DLC1: variants seen among roughly 807,000 people sequenced by gnomAD.
DLC1 encodes the protein DLC1 Rho GTPase activating protein.
DLC1 carries 54 observed loss-of-function variants against 140.3 expected under a neutral mutation model. That is an observed-to-expected ratio of 0.38 (90% CI 0.31 to 0.48). The LOEUF (loss-of-function observed/expected upper bound fraction) is 0.48, where lower values mean the gene tolerates loss of function less well. Among genes scored for constraint, DLC1 ranks in the 20% least tolerant of loss-of-function variants. DLC1 has a pLI of 0.96. For missense variants in DLC1, 2,536 were observed against 1,907.0 expected (o/e 1.33, Z -6.14); for synonymous variants, 986 against 728.1 (o/e 1.35, Z -5.70).
At chr8:13,444,584 A>T (rs1798693601) in intron 2 of DLC1, among the ~76,000 whole-genome samples, 1 of 152,202 alleles carries the variant, frequency 6.6e-6, no homozygotes, top group Admixed American at 6.5e-5. Context: ...ATAATTTTAA[A>T]AAATCTTTAA....
At chr8:13,268,923 A>G (rs201631413) in intron 5 of DLC1, among the ~76,000 whole-genome samples, 15 of 129,328 alleles carry the variant, frequency 1.2e-4, no homozygotes, top group Admixed American at 2.7e-4. Flanking sequence ...GGCCCAGGCT[A>G]GAGTGCAGTG....
chr8:13,556,005 A>G (rs1419995282), intron 1 of DLC1, among the ~76,000 whole-genome samples: 1 of 152,166 alleles, frequency 6.6e-6, no homozygotes, highest in African/African-American at 2.4e-5. Context: ...TGGCTGGTAT[A>G]TAGAGTGAAG....
chr8:13,505,021 G>A (rs1801991641), intron 1 of DLC1, among the ~76,000 whole-genome samples: 1 of 152,072 alleles, frequency 6.6e-6, no homozygotes, highest in Admixed American at 6.6e-5. Context: ...GACATATTGA[G>A]AGGAATTTTA....
intron 5 of DLC1, among the ~76,000 whole-genome samples, chr8:13,176,999 G>T (rs1825792978): frequency 6.6e-6 from 1 of 152,104 alleles, no homozygotes; most frequent in Non-Finnish European, 1.5e-5. Context: ...TCCAGGAAGG[G>T]ATACAGCCCT....
chr8:13,280,612 T>C (rs767474278), intron 5 of DLC1, among the ~76,000 whole-genome samples: 1 of 152,224 alleles, frequency 6.6e-6, no homozygotes, highest in Non-Finnish European at 1.5e-5. Context: ...TTTAATTTTA[T>C]AGTGTTTCTA....
chr8:13,333,332 C>A (rs1167882459), intron 4 of DLC1, among the ~76,000 whole-genome samples: 1 of 152,162 alleles, frequency 6.6e-6, no homozygotes, highest in Non-Finnish European at 1.5e-5. Flanking sequence ...CTCAAGCCAT[C>A]CTCCCACCTC....
chr8:13,226,066 C>T (rs984110434), intron 5 of DLC1, among the ~76,000 whole-genome samples: 2 of 152,042 alleles, frequency 1.3e-5, no homozygotes, highest in South Asian at 2.1e-4. Flanking sequence ...GCACATGTCG[C>T]CACACTTGGC....
intron 2 of DLC1, among the ~76,000 whole-genome samples, chr8:13,416,544 G>C (rs1381823197): frequency 6.6e-6 from 1 of 152,166 alleles, no homozygotes; most frequent in Non-Finnish European, 1.5e-5. Flanking sequence ...GAAGCAGAGA[G>C]ATTCCCACCT....
intron 4 of DLC1, among the ~76,000 whole-genome samples, chr8:13,318,937 G>A (rs577244095): frequency 6.6e-6 from 1 of 152,310 alleles, no homozygotes; most frequent in East Asian, 1.9e-4. Context: ...TGAATGCTCT[G>A]TGGTTTAGCC....
Position 13,579,409 on chromosome 8 carries a change from A to G in DLC1, c.-126+25128T>C, listed in dbSNP as rs1469482683. ...ATATTATATATTATATATTTAATAT[A>G]TTATATTTTATATTATATATTTAAT... is the stretch of plus-strand genomic sequence containing the variant. On this transcript the variant is annotated intron_variant, in intron 1 of 1. Transcript: ENST00000631382. 9.2e-4 allele frequency among the ~76,000 whole-genome samples: 59 copies of G among 64,246 alleles called. 5 individuals carry two copies. The highest frequency in any genetic ancestry group is 3.4e-3 in the African/African-American group (57 of 16,792). The allele number at this position is 64,246 out of a possible 152,430, so 42.1% of individuals were successfully genotyped here.
intron 4 of DLC1, among the ~76,000 whole-genome samples, chr8:13,362,372 C>A (rs758307961): frequency 1.3e-5 from 2 of 152,166 alleles, no homozygotes; most frequent in African/African-American, 4.8e-5. Flanking sequence ...GGCAGCAAAG[C>A]GTGAAATTAG....
chr8:13,379,281 C>T (rs903141790), intron 4 of DLC1, among the ~76,000 whole-genome samples: 2 of 152,034 alleles, frequency 1.3e-5, no homozygotes, highest in African/African-American at 2.4e-5. Flanking sequence ...CTGATCTGAC[C>T]GTTTGAGACC....
chr8:13,374,125 T>C (rs974087718), intron 4 of DLC1, among the ~76,000 whole-genome samples: 2 of 152,184 alleles, frequency 1.3e-5, no homozygotes, highest in African/African-American at 2.4e-5. Flanking sequence ...CTGTATTTAA[T>C]GTATAATTTT....
At chr8:13,385,525 T>G (rs1213579011) in intron 4 of DLC1, among the ~76,000 whole-genome samples, 3 of 152,094 alleles carry the variant, frequency 2.0e-5, no homozygotes, top group Non-Finnish European at 1.5e-5. Flanking sequence ...ACCAAAACAG[T>G]CAAGGATAAA....
chr8:13,088,976 G>A (rs1462175039), intron 15 of DLC1, among the ~76,000 whole-genome samples: 2 of 152,140 alleles, frequency 1.3e-5, no homozygotes, highest in Non-Finnish European at 2.9e-5. Context: ...GATGACATTT[G>A]AGCCGGGTGC....
chr8:13,563,550 G>A (rs1048185898), intron 1 of DLC1, among the ~76,000 whole-genome samples: 1 of 152,182 alleles, frequency 6.6e-6, no homozygotes, highest in South Asian at 2.1e-4. Context: ...TAGGAGAAGA[G>A]ACTTGCTTGA....
chr8:13,586,314 G>T (rs968435784), intron 1 of DLC1, among the ~76,000 whole-genome samples: 1 of 152,168 alleles, frequency 6.6e-6, no homozygotes, highest in Non-Finnish European at 1.5e-5. Context: ...TAGGAAAGAA[G>T]AAGAGGAGAT....
intron 4 of DLC1, among the ~76,000 whole-genome samples, chr8:13,358,288 C>T (rs1241829465): frequency 6.6e-6 from 1 of 152,284 alleles, no homozygotes; most frequent in Non-Finnish European, 1.5e-5. Flanking sequence ...TATGAATAAG[C>T]AACCTGAAGA....
At chr8:13,501,329 G>T (rs902338911) in intron 1 of DLC1, among the ~76,000 whole-genome samples, 4 of 152,134 alleles carry the variant, frequency 2.6e-5, no homozygotes, top group Non-Finnish European at 5.9e-5. Flanking sequence ...TTAAAGGAAA[G>T]AAATAATACC....
Sources: allele counts gnomAD v4.1 joint callset (sites outside exome capture counted in the v4.1 genomes callset), GRCh38; gene constraint gnomAD v4.1.1; transcripts MANE v1.5; gene names NCBI Gene and HGNC (gene_info 2026-07-23, HGNC 2026-07-21).